The following ATP6V0E1 variants were observed in gnomAD, a reference collection of about 807,000 sequenced individuals.
ATP6V0E1 encodes the protein V-type proton ATPase subunit e 1.
A neutral mutation model predicts 11.6 loss-of-function variants in ATP6V0E1; 4 were observed. The ratio of observed to expected loss-of-function variants is 0.35; its 90% CI spans 0.17 to 0.79. The LOEUF is 0.79. ATP6V0E1 is among the 30% of genes least tolerant of loss of function. ATP6V0E1 has a pLI of 0.54. For synonymous variants in ATP6V0E1, 36 were observed against 34.8 expected (o/e 1.04, Z -0.13); for missense variants, 105 against 100.0 (o/e 1.05, Z -0.21).
chr5:173,025,143 CTTTTTTTTT>C (rs539174415), intron 3 of ATP6V0E1, among the ~76,000 whole-genome samples: 2 of 103,148 alleles, frequency 1.9e-5, no homozygotes, highest in Non-Finnish European at 4.0e-5. Context: ...GCCTGGCATT[CTTTTTTTTT>C]TTTTTTTTTT....
At chr5:173,018,881 C>G (rs113366896) in intron 2 of ATP6V0E1, among the ~76,000 whole-genome samples, 1 of 151,268 alleles carries the variant, frequency 6.6e-6, no homozygotes, top group African/African-American at 2.5e-5. Context: ...TATGAATTAC[C>G]GTATCATATA....
At chr5:172,986,396 G>A (rs1224017609) in intron 1 of ATP6V0E1, among the ~76,000 whole-genome samples, 1 of 152,150 alleles carries the variant, frequency 6.6e-6, no homozygotes, top group Non-Finnish European at 1.5e-5. Flanking sequence ...AGCACTTTGG[G>A]AAGCCGGACA....
At position 173,013,402 on chromosome 5, in the gene ATP6V0E1, C is replaced by T. The variant is rs183644633; in HGVS notation, c.153-6836C>T. On this transcript the variant is annotated intron_variant, in intron 2 of 3. Transcript: ENST00000519374. ...CATCCTGGCTAACATGGTGAAACCC[C>T]GTCTCTACTAAAAATACAAAAAATT... Among the ~76,000 whole-genome samples the T allele has an allele frequency of 8.7e-3, 1,319 of 151,860 alleles. 18 individuals carry two copies. Among genetic ancestry groups the T allele is most frequent in the African/African-American group, 0.03 (1,255 of 41,424 alleles).
In ATP6V0E1 at chr5:173,020,253, T is replaced by C; in HGVS notation, c.168T>C (p.Ile56=). 6.2e-7 allele frequency: 1 copy of C among 1,613,636 alleles called. No homozygotes were observed. The highest frequency in any genetic ancestry group is 1.1e-5 in the South Asian group (1 of 91,068). Residue 56 remains isoleucine (I), a synonymous_variant, in exon 3 of 4, where the codon ATT becomes ATC. Transcript: ENST00000519374. ...VCCYLFWLIA[I]LAQLNPLFGP... is the part of the protein sequence containing the mutation. ...CTTCTTTTAGTTGGCTGATTGCAATTCTGGCCCAACTCAACCCTCTCTTTG... is the reference window on the plus strand; with the variant it reads ...CTTCTTTTAGTTGGCTGATTGCAATCCTGGCCCAACTCAACCCTCTCTTTG...
chr5:172,992,205 C>T (rs895400616), intron 1 of ATP6V0E1, among the ~76,000 whole-genome samples: 10 of 152,178 alleles, frequency 6.6e-5, no homozygotes, highest in African/African-American at 2.4e-4. Flanking sequence ...CGCCCGCCAC[C>T]ACGCCCGGCT....
Position 173,034,747 on chromosome 5 carries a change from A to G in ATP6V0E1, c.*385A>G. On this transcript the variant is annotated 3_prime_UTR_variant, in exon 4 of 4. Transcript: ENST00000519374. ...AGTGTTTAGAAACTGCTGCAAGACA[A>G]ACAAGACTCCAGTGGGGTGGTCAGT... 1 of 338,090 alleles carries G rather than the reference A, an allele frequency of 3.0e-6. No homozygotes were observed. Among genetic ancestry groups the G allele is most frequent in the Non-Finnish European group, 5.6e-6 (1 of 179,744 alleles). The allele number at this position is 338,090 out of a possible 1,614,324, so 20.9% of individuals were successfully genotyped here.
chr5:173,018,101 T>G (rs1756431160), intron 2 of ATP6V0E1, among the ~76,000 whole-genome samples: 1 of 152,070 alleles, frequency 6.6e-6, no homozygotes, highest in Non-Finnish European at 1.5e-5. Flanking sequence ...GAAAATCCAT[T>G]TATAACTTTT....
chr5:173,021,401 A>G (rs1194922209), intron 3 of ATP6V0E1, among the ~76,000 whole-genome samples: 4 of 151,992 alleles, frequency 2.6e-5, no homozygotes, highest in Non-Finnish European at 5.9e-5. Context: ...CTTACATGGT[A>G]GCAGCAAGAG....
intron 2 of ATP6V0E1, among the ~76,000 whole-genome samples, chr5:173,010,817 G>A (rs990250473): frequency 2.0e-5 from 3 of 152,178 alleles, no homozygotes; most frequent in Admixed American, 1.3e-4. Flanking sequence ...GCGTGTCACC[G>A]GGAAGTAACC....
intron 1 of ATP6V0E1, 64 bp from the exon 2 acceptor site, chr5:172,994,711 A>G: frequency 1.5e-6 from 2 of 1,335,834 alleles, no homozygotes; most frequent in Admixed American, 2.2e-5. Flanking sequence ...GACTTAAACC[A>G]TTCTGTGATG....
chr5:173,011,599 A>C (rs918880011), intron 2 of ATP6V0E1, among the ~76,000 whole-genome samples: 2 of 152,036 alleles, frequency 1.3e-5, no homozygotes, highest in African/African-American at 4.8e-5. Context: ...TAGTAAGTTC[A>C]CTAGGACTTA....
intron 3 of ATP6V0E1, among the ~76,000 whole-genome samples, chr5:173,030,954 T>G (rs184553725): frequency 3.0e-4 from 46 of 151,564 alleles, no homozygotes; most frequent in Middle Eastern, 3.4e-3. Flanking sequence ...TTTATTTATT[T>G]ATTTATTTGA....
At chr5:172,998,915 C>T (rs547516373) in intron 2 of ATP6V0E1, among the ~76,000 whole-genome samples, 2 of 152,078 alleles carry the variant, frequency 1.3e-5, no homozygotes, top group South Asian at 4.2e-4. Context: ...CTGAGGCAGG[C>T]GGATCACAAG....
At chr5:173,004,648 A>C (rs1756203458) in intron 2 of ATP6V0E1, among the ~76,000 whole-genome samples, 1 of 152,178 alleles carries the variant, frequency 6.6e-6, no homozygotes, top group Non-Finnish European at 1.5e-5. Flanking sequence ...GGAGGTTTCA[A>C]ATGCCGGTAA....
Position 172,983,950 on chromosome 5 carries a change from G to T in ATP6V0E1, c.90G>T (p.Lys30Asn). The change falls in exon 1 of 4, where the codon AAG (lysine) becomes AAT (asparagine). Residue 30 changes from lysine to asparagine, a missense_variant. Physicochemically the swap from Lys to Asn is moderately conservative, Grantham distance 94. Coordinates refer to ENST00000519374, the MANE Select transcript of ATP6V0E1 (RefSeq NM_003945.4). Reference protein sequence around the residue: ...VGFLVPWFIPKGPNRGVIITM... With the variant: ...VGFLVPWFIPNGPNRGVIITM... ...TCTTGGTGCCTTGGTTCATCCCTAA[G>T]GGTCCTAACCGGGGGTAAGTGCGTG... The T allele has an allele frequency of 1.9e-6, 3 of 1,612,816 alleles. No individual in the cohort carries two copies. Among genetic ancestry groups the T allele is most frequent in the Non-Finnish European group, 2.5e-6 (3 of 1,179,804 alleles).
intron 2 of ATP6V0E1, among the ~76,000 whole-genome samples, chr5:173,010,086 G>A (rs970541076): frequency 2.6e-5 from 4 of 152,180 alleles, no homozygotes; most frequent in Non-Finnish European, 4.4e-5. Context: ...GTTAAAGCCA[G>A]CTGTATCAGA....
chr5:173,033,619 C>G (rs6868121), intron 3 of ATP6V0E1, among the ~76,000 whole-genome samples: 46,084 of 151,862 alleles, frequency 0.3, 9,379 homozygotes, highest in African/African-American at 0.58. Flanking sequence ...AGGATGGGCA[C>G]AACGCTTGAG....
chr5:172,999,555 G>A (rs575542828), intron 2 of ATP6V0E1, among the ~76,000 whole-genome samples: 4 of 152,170 alleles, frequency 2.6e-5, no homozygotes, highest in Non-Finnish European at 5.9e-5. Context: ...TTGAACTCCT[G>A]AGCTCAAGCA....
chr5:172,999,863 T>TTTTTC, intron 2 of ATP6V0E1, among the ~76,000 whole-genome samples: 1 of 152,332 alleles, frequency 6.6e-6, no homozygotes, highest in Non-Finnish European at 1.5e-5. Flanking sequence ...TATGAAATCA[T>TTTTTC]TTTTCTTTTG....
Sources: gnomAD v4.1 joint callset for allele counts (sites outside exome capture counted in the v4.1 genomes callset) on GRCh38, gnomAD v4.1.1 for gene constraint, MANE v1.5 for transcripts, NCBI Gene and HGNC (gene_info 2026-07-23, HGNC 2026-07-21) for gene names.